CDKAL1: variants seen among roughly 807,000 people sequenced by gnomAD.
CDKAL1 encodes threonylcarbamoyladenosine tRNA methylthiotransferase.
A neutral mutation model predicts 68.2 loss-of-function variants in CDKAL1; 32 were observed. That is an observed-to-expected ratio of 0.47 (90% CI 0.35 to 0.63). CDKAL1 has a LOEUF of 0.63. CDKAL1 is among the 30% of genes least tolerant of loss of function. CDKAL1 has a pLI of 0.00. For missense variants in CDKAL1, 606 were observed against 696.7 expected, an observed-to-expected ratio of 0.87 and a Z score of 1.47; for synonymous variants, 234 against 244.3, an observed-to-expected ratio of 0.96 and a Z score of 0.39.
At chr6:20,909,026 T>C (rs1254994470) in intron 9 of CDKAL1, among the ~76,000 whole-genome samples, 1 of 152,208 alleles carries the variant, frequency 6.6e-6, no homozygotes, top group Non-Finnish European at 1.5e-5. Context: ...TCCCCCTTGG[T>C]TGTTGCTGCA....
intron 10 of CDKAL1, among the ~76,000 whole-genome samples, chr6:20,974,739 G>A (rs904722877): frequency 6.6e-6 from 1 of 151,178 alleles, no homozygotes; most frequent in African/African-American, 2.4e-5. Context: ...AGCACTTTGG[G>A]AGTCCGAGGC....
At chr6:20,752,528 CTT>C (rs1386207434) in intron 6 of CDKAL1, among the ~76,000 whole-genome samples, 1 of 152,110 alleles carries the variant, frequency 6.6e-6, no homozygotes, top group Non-Finnish European at 1.5e-5. Context: ...CACTCTTAGA[CTT>C]TTCATTTTGA....
At chr6:20,683,472 T>G (rs966534280) in intron 5 of CDKAL1, among the ~76,000 whole-genome samples, 15 of 152,248 alleles carry the variant, frequency 9.9e-5, no homozygotes, top group African/African-American at 3.6e-4. Flanking sequence ...GAAAATTACT[T>G]ATTGATAGTG....
intron 8 of CDKAL1, among the ~76,000 whole-genome samples, chr6:20,845,130 C>G (rs1778329536): frequency 6.6e-6 from 1 of 152,192 alleles, no homozygotes; most frequent in Admixed American, 6.5e-5. Flanking sequence ...ACACATGGAT[C>G]AGATTCAATT....
intron 4 of CDKAL1, among the ~76,000 whole-genome samples, chr6:20,639,469 C>T (rs1001381608): frequency 2.6e-5 from 4 of 152,146 alleles, no homozygotes; most frequent in Non-Finnish European, 5.9e-5. Context: ...TCCTTTTCCC[C>T]CCTTTTTCTG....
chr6:20,792,813 G>C (rs1216935360), intron 8 of CDKAL1, among the ~76,000 whole-genome samples: 1 of 152,208 alleles, frequency 6.6e-6, no homozygotes, highest in African/African-American at 2.4e-5. Context: ...ACAAGACCTA[G>C]TAATGTATCA....
chr6:21,214,827 C>G (rs1450618579), intron 15 of CDKAL1, among the ~76,000 whole-genome samples: 1 of 152,066 alleles, frequency 6.6e-6, no homozygotes, highest in East Asian at 1.9e-4. Flanking sequence ...TCCTTAATGA[C>G]TAGGATAGGG....
intron 12 of CDKAL1, among the ~76,000 whole-genome samples, chr6:21,097,358 T>A (rs956940368): frequency 6.6e-6 from 1 of 152,108 alleles, no homozygotes; most frequent in Non-Finnish European, 1.5e-5. Context: ...TAGCCCCAGC[T>A]ACTTTGGAGG....
At chr6:20,655,531 A>T (rs888464823) in intron 5 of CDKAL1, among the ~76,000 whole-genome samples, 2 of 152,338 alleles carry the variant, frequency 1.3e-5, no homozygotes, top group African/African-American at 4.8e-5. Flanking sequence ...TTACTGCCTG[A>T]GGTCTGCCTG....
chr6:20,991,365 T>C lies in CDKAL1; in HGVS notation c.910-8862T>C, dbSNP rs186989301. Among the ~76,000 whole-genome samples the C allele has an allele frequency of 3.3e-5, 5 of 152,226 alleles. No individual in the cohort carries two copies. In the East Asian group the frequency reaches 7.7e-4, roughly 24 times the overall value. ...ACAGTGGGTGGTGGTTTGTCCAACA[T>C]TGACTGGACTTAATGTCACTGAACT... On this transcript the variant is annotated intron_variant, in intron 10 of 15. Coordinates refer to ENST00000274695, the MANE Select transcript of CDKAL1 (RefSeq NM_017774.3).
intron 4 of CDKAL1, among the ~76,000 whole-genome samples, chr6:20,607,648 G>C (rs549829856): frequency 1.5e-4 from 23 of 151,650 alleles, no homozygotes; most frequent in African/African-American, 4.8e-4. Flanking sequence ...TAAACCCGTT[G>C]CTGTTGTGTC....
At chr6:21,188,116 C>G (rs1042317656) in intron 13 of CDKAL1, among the ~76,000 whole-genome samples, 1 of 152,056 alleles carries the variant, frequency 6.6e-6, no homozygotes. Flanking sequence ...TGTAAAGGCT[C>G]TTCATATTAT....
Position 20,549,355 on chromosome 6 carries a change from G to A in CDKAL1, c.286+650G>A, listed in dbSNP as rs114015545. Among the ~76,000 whole-genome samples, 556 of 152,124 alleles carry A rather than the reference G, an allele frequency of 3.7e-3. 6 individuals carry two copies. The highest frequency in any genetic ancestry group is 0.013 in the African/African-American group (534 of 41,502). On this transcript the variant is annotated intron_variant, in intron 4 of 15. Transcript: ENST00000274695. Reference sequence around the variant, plus strand: ...TATATTTTTCTCAGTGCGTCATATCGGGGTCATGATGTCAGTGTGTCTTAT... The same window carrying A: ...TATATTTTTCTCAGTGCGTCATATCAGGGTCATGATGTCAGTGTGTCTTAT...
intron 13 of CDKAL1, among the ~76,000 whole-genome samples, chr6:21,115,974 T>G (rs535252483): frequency 6.6e-6 from 1 of 152,346 alleles, no homozygotes; most frequent in East Asian, 1.9e-4. Context: ...TAGCCATTCC[T>G]TGCATCCTCA....
At chr6:20,814,274 T>C (rs1383059631) in intron 8 of CDKAL1, among the ~76,000 whole-genome samples, 1 of 152,210 alleles carries the variant, frequency 6.6e-6, no homozygotes, top group Non-Finnish European at 1.5e-5. Context: ...CATTGTATTC[T>C]CCCACCTTCC....
chr6:20,708,997 A>C (rs534608596), intron 5 of CDKAL1, among the ~76,000 whole-genome samples: 6 of 152,268 alleles, frequency 3.9e-5, no homozygotes, highest in African/African-American at 1.4e-4. Flanking sequence ...AACTAAATCC[A>C]TGGGAAGATA....
At chr6:21,035,908 A>G (rs201298) in intron 11 of CDKAL1, among the ~76,000 whole-genome samples, 23,868 of 152,120 alleles carry the variant, frequency 0.16, 2,152 homozygotes, top group Middle Eastern at 0.23. Context: ...TACTTCCTCT[A>G]TTTGTCTTTT....
At chr6:21,049,533 T>A (rs1331354492) in intron 11 of CDKAL1, among the ~76,000 whole-genome samples, 9 of 152,204 alleles carry the variant, frequency 5.9e-5, no homozygotes, top group African/African-American at 2.2e-4. Flanking sequence ...TTAAATACTA[T>A]AACAATATTA....
At chr6:20,537,614 CAA>C (rs543824204) in intron 2 of CDKAL1, among the ~76,000 whole-genome samples, 24,904 of 120,106 alleles carry the variant, frequency 0.21, 2,614 homozygotes, top group African/African-American at 0.33. Context: ...CTCATAATTA[CAA>C]AAAAAAAAAA....
Sources: allele counts gnomAD v4.1 joint callset (sites outside exome capture counted in the v4.1 genomes callset), GRCh38; gene constraint gnomAD v4.1.1; transcripts MANE v1.5; gene names NCBI Gene and HGNC (gene_info 2026-07-23, HGNC 2026-07-21).